SDR42E2: variants seen among roughly 807,000 people sequenced by gnomAD.
The protein encoded by SDR42E2 is putative short-chain dehydrogenase/reductase family 42E member 2.
SDR42E2 carries 20 observed loss-of-function variants against 10.5 expected under a neutral mutation model. The observed-to-expected ratio is 1.90, with a 90% CI of 1.34 to 2.77. The LOEUF (loss-of-function observed/expected upper bound fraction) is 2.77, where lower values mean the gene tolerates loss of function less well. Ranked by LOEUF, SDR42E2 falls within the 30% of genes most tolerant of loss-of-function variation. SDR42E2 has a pLI of 0.00. For missense variants in SDR42E2, 162 were observed against 104.2 expected (o/e 1.55, Z -2.42); for synonymous variants, 72 against 39.2 (o/e 1.84, Z -3.12).
intron 11 of SDR42E2, among the ~76,000 whole-genome samples, chr16:22,186,045 C>T (rs985398742): frequency 8.6e-5 from 13 of 151,956 alleles, no homozygotes; most frequent in Non-Finnish European, 1.9e-4. Context: ...CTGGTTCTCA[C>T]AAGTATTATT....
Position 22,163,749 on chromosome 16 carries a change from GC to G in SDR42E2, c.-37+1186del, listed in dbSNP as rs2046514035. ...CCATGAGTGTTCGTGCTTATACGGGGCAGGACTGTATTCCTCACCCAGACAT... is the reference window on the plus strand; with the variant it reads ...CCATGAGTGTTCGTGCTTATACGGGGAGGACTGTATTCCTCACCCAGACAT... On this transcript the variant is annotated intron_variant, in intron 1 of 12. Coordinates refer to ENST00000602312, the MANE Select transcript of SDR42E2 (RefSeq NM_001394319.2). Among the ~76,000 whole-genome samples, 4 of 152,074 alleles carry G rather than the reference GC, an allele frequency of 2.6e-5. No homozygotes were observed. The Middle Eastern group carries it at 0.014, about 521-fold the overall frequency.
At chr16:22,179,472 T>A (rs1030665217) in intron 8 of SDR42E2, among the ~76,000 whole-genome samples, 15 of 152,160 alleles carry the variant, frequency 9.9e-5, no homozygotes, top group Non-Finnish European at 2.1e-4. Flanking sequence ...CCTTGTGGCG[T>A]TTATCTTCTC....
chr16:22,182,340 TTTTTA>T (rs963859933), intron 10 of SDR42E2, 63 bp downstream of exon 10: 11 of 397,226 alleles, frequency 2.8e-5, no homozygotes, highest in African/African-American at 1.9e-4. Flanking sequence ...CTTCTCTTCC[TTTTTA>T]TTTTTTTTTT....
intron 12 of SDR42E2, among the ~76,000 whole-genome samples, chr16:22,189,574 A>T (rs2142085406): frequency 6.6e-6 from 1 of 152,328 alleles, no homozygotes; most frequent in South Asian, 2.1e-4. Flanking sequence ...GCCATCTGGC[A>T]GCAGGGGAAA....
Position 22,166,421 on chromosome 16 carries a change from C to T in SDR42E2, c.227C>T (p.Thr76Ile). The T allele has an allele frequency of 2.5e-6, 1 of 402,372 alleles. No homozygotes were observed. 24.9% of individuals were successfully genotyped at this position (402,372 alleles called of 1,614,324 possible). A position where few individuals can be genotyped will look rare whatever the true frequency, so the allele number is the denominator to read the frequency against. Residue 76 changes from threonine (T) to isoleucine (I), a missense_variant, in exon 3 of 13, where the codon ACC becomes ATC. Physicochemically the swap from Thr to Ile is moderately conservative, Grantham distance 89. Coordinates refer to ENST00000602312, the MANE Select transcript of SDR42E2 (RefSeq NM_001394319.2). ...RRPQWELSPE[T>I]KFIQADVRDE... ...CCCCAGTGGGAACTGTCCCCGGAAA[C>T]CAAGTTCATCCAGGTACAAGGAACA...
intron 8 of SDR42E2, among the ~76,000 whole-genome samples, chr16:22,180,335 G>A (rs1479234272): frequency 6.6e-6 from 1 of 152,068 alleles, no homozygotes; most frequent in African/African-American, 2.4e-5. Flanking sequence ...AGGATTTCAA[G>A]GCAGCAGTGA....
intron 4 of SDR42E2, among the ~76,000 whole-genome samples, chr16:22,168,785 A>C (rs1195979810): frequency 2.0e-5 from 3 of 152,076 alleles, no homozygotes; most frequent in African/African-American, 7.2e-5. Flanking sequence ...AGGCAGGAGA[A>C]TCATTCAAAC....
intron 11 of SDR42E2, among the ~76,000 whole-genome samples, chr16:22,186,267 T>C (rs1450889771): frequency 1.3e-5 from 2 of 151,996 alleles, no homozygotes; most frequent in Non-Finnish European, 2.9e-5. Flanking sequence ...AGTGCAGTGG[T>C]GCAATCTCAG....
intron 12 of SDR42E2, among the ~76,000 whole-genome samples, chr16:22,188,469 C>T (rs2046750260): frequency 6.6e-6 from 1 of 151,996 alleles, no homozygotes; most frequent in Non-Finnish European, 1.5e-5. Flanking sequence ...ACAACATTGT[C>T]CTCTCCATTT....
chr16:22,172,163 C>T (rs1451083018), intron 6 of SDR42E2, 93 bp from the exon 7 acceptor site: 1 of 691,632 alleles, frequency 1.4e-6, no homozygotes, highest in Non-Finnish European at 2.6e-6. Flanking sequence ...CAGTGGGAGT[C>T]CCCAGGGAAG....
At chr16:22,178,453 T>C (rs1053354620) in intron 8 of SDR42E2, among the ~76,000 whole-genome samples, 1 of 152,152 alleles carries the variant, frequency 6.6e-6, no homozygotes, top group Non-Finnish European at 1.5e-5. Context: ...AGAGGAGCCA[T>C]AGAGCTGTGA....
At chr16:22,179,445 A>G (rs2046673852) in intron 8 of SDR42E2, among the ~76,000 whole-genome samples, 2 of 152,176 alleles carry the variant, frequency 1.3e-5, no homozygotes. Context: ...TCAGTGAACA[A>G]AACAGATGAT....
chr16:22,187,487 C>T (rs72768916), intron 12 of SDR42E2, among the ~76,000 whole-genome samples: 16,988 of 151,750 alleles, frequency 0.11, 1,190 homozygotes, highest in South Asian at 0.16. Flanking sequence ...CAAGGTGGTG[C>T]ATGCCTTTAG....
At chr16:22,168,972 C>G (rs564206569) in intron 4 of SDR42E2, among the ~76,000 whole-genome samples, 3 of 152,300 alleles carry the variant, frequency 2.0e-5, no homozygotes, top group Admixed American at 2.0e-4. Flanking sequence ...GAAGTTCTTG[C>G]CCTGTTCCTG....
chr16:22,171,050 G>A (rs2046595902), intron 6 of SDR42E2, 99 bp downstream of exon 6: 2 of 685,610 alleles, frequency 2.9e-6, no homozygotes, highest in South Asian at 3.0e-5. Flanking sequence ...TCACAACTCA[G>A]GATACGTCCT....
At chr16:22,186,229 C>T (rs190694535) in intron 11 of SDR42E2, among the ~76,000 whole-genome samples, 12 of 149,428 alleles carry the variant, frequency 8.0e-5, no homozygotes, top group African/African-American at 1.7e-4. Context: ...TTTTTTCTGA[C>T]GGAGTCTTAT....
chr16:22,177,436 G>A (rs2046653564), intron 7 of SDR42E2, among the ~76,000 whole-genome samples: 1 of 152,050 alleles, frequency 6.6e-6, no homozygotes, highest in Admixed American at 6.6e-5. Context: ...AGACCAGCCT[G>A]GCCAACATGG....
intron 7 of SDR42E2, among the ~76,000 whole-genome samples, chr16:22,173,903 G>GTA (rs146432754): frequency 0.016 from 1,826 of 112,714 alleles, 81 homozygotes; most frequent in African/African-American, 0.057. Flanking sequence ...ATATGTGTGT[G>GTA]TGTATATATA....
intron 8 of SDR42E2, among the ~76,000 whole-genome samples, chr16:22,181,106 G>A (rs537457510): frequency 2.6e-5 from 4 of 152,314 alleles, no homozygotes; most frequent in African/African-American, 9.6e-5. Context: ...CAACTGTGGC[G>A]TCCAGGTGAG....
Sources: gnomAD v4.1 joint callset for allele counts (sites outside exome capture counted in the v4.1 genomes callset) on GRCh38, gnomAD v4.1.1 for gene constraint, MANE v1.5 for transcripts, NCBI Gene and HGNC (gene_info 2026-07-23, HGNC 2026-07-21) for gene names.